Variants in LAMP1 observed in about 807,000 individuals in gnomAD.
The protein encoded by LAMP1 is lysosome associated membrane protein 1.
In LAMP1, 7 loss-of-function variants were observed where a neutral mutation model predicts 37.5. That is an observed-to-expected ratio of 0.19 (90% CI 0.11 to 0.35). LAMP1 has a LOEUF of 0.35. LAMP1 is among the 10% of genes least tolerant of loss of function. The pLI is 1.00. For missense variants in LAMP1, 537 were observed against 552.8 expected, an observed-to-expected ratio of 0.97 and a Z score of 0.29; for synonymous variants, 236 against 229.1, an observed-to-expected ratio of 1.03 and a Z score of -0.27.
rs2042696369 is a variant in LAMP1 at position 113,321,063 on chromosome 13, C to T, written c.877-341C>T. On this transcript the variant is annotated intron_variant, in intron 6 of 8. Coordinates refer to ENST00000332556, the MANE Select transcript of LAMP1 (RefSeq NM_005561.4). The surrounding 1 kb of genome is among the most constrained non-coding windows in gnomAD (Gnocchi z 5.6). ...GGGCGTAGTGGCGCACACCTGTGGT[C>T]CCAGCTACTTGGGAGGCTGAGGTGG... 1 of 336,902 alleles carries T rather than the reference C, an allele frequency of 3.0e-6. No homozygotes were observed. Among genetic ancestry groups the T allele is most frequent in the Non-Finnish European group, 5.7e-6 (1 of 176,128 alleles). The allele number at this position is 336,902 out of a possible 1,614,324, so 20.9% of individuals were successfully genotyped here.
Position 113,320,306 on chromosome 13 carries a change from C to G in LAMP1, c.751-39C>G. ...TTGTCTTTTCGAGAGTGTGGAGGACCTGAGCTAGGGTGGTGACTTGCTTGC... is the reference window on the plus strand; with the variant it reads ...TTGTCTTTTCGAGAGTGTGGAGGACGTGAGCTAGGGTGGTGACTTGCTTGC... On this transcript the variant is annotated intron_variant, in intron 5 of 8. Transcript: ENST00000332556. The surrounding 1 kb of genome is among the most constrained non-coding windows in gnomAD (Gnocchi z 4.4). The G allele has an allele frequency of 1.9e-6, 3 of 1,612,252 alleles. No individual in the cohort carries two copies. The highest frequency in any genetic ancestry group is 2.5e-6 in the Non-Finnish European group (3 of 1,178,764).
Position 113,313,370 on chromosome 13 carries a change from T to C in LAMP1, c.562+2503T>C, listed in dbSNP as rs1595461142. The stretch of plus-strand genomic sequence containing the variant: ...AGCAGTCTTAGGTTTCTGTGTATTC[T>C]CTGCCGCTGCGCATGTACAGCCTTC... On this transcript the variant is annotated intron_variant, in intron 4 of 8. Transcript: ENST00000332556. Among the ~76,000 whole-genome samples the C allele has an allele frequency of 2.0e-5, 3 of 152,374 alleles. No homozygotes were observed. The South Asian group carries it at 6.2e-4, about 32-fold the overall frequency.
At chr13:113,315,872 G>T (rs902332248) in intron 4 of LAMP1, among the ~76,000 whole-genome samples, 6 of 151,930 alleles carry the variant, frequency 3.9e-5, no homozygotes, top group African/African-American at 1.5e-4. Flanking sequence ...GGAACTCGAG[G>T]TGGGTGGATC....
Position 113,297,931 on chromosome 13 carries a change from C to T in LAMP1, c.61+436C>T, listed in dbSNP as rs1287091437. Among the ~76,000 whole-genome samples, 2 of 152,176 alleles carry T rather than the reference C, an allele frequency of 1.3e-5. No individual in the cohort carries two copies. The highest frequency in any genetic ancestry group is 2.9e-5 in the Non-Finnish European group (2 of 68,038). On this transcript the variant is annotated intron_variant, in intron 1 of 8. Transcript: ENST00000332556. This position sits in a 1 kb window ranked among gnomAD's most constrained non-coding sequence, Gnocchi z 4.4. ...CAGCTCCCGGGTGGGTGACCTAGAT[C>T]AAGCTCTTCCCAACATGGATTTCAC...
Position 113,297,628 on chromosome 13 carries a change from G to T in LAMP1, c.61+133G>T, listed in dbSNP as rs2042549864. On this transcript the variant is annotated intron_variant, in intron 1 of 8. Coordinates refer to ENST00000332556, the MANE Select transcript of LAMP1 (RefSeq NM_005561.4). This position sits in a 1 kb window ranked among gnomAD's most constrained non-coding sequence, Gnocchi z 4.4. ...CACCCACTGCTCCTGGTCCCGGCCG[G>T]CTCTGCCCGCGGGCGGGTGTTTCTC... 2 of 844,704 alleles carry T rather than the reference G, an allele frequency of 2.4e-6. No homozygotes were observed. Among genetic ancestry groups the T allele is most frequent in the Non-Finnish European group, 3.0e-6 (2 of 655,948 alleles). The allele number at this position is 844,704 out of a possible 1,614,324, so 52.3% of individuals were successfully genotyped here. A position where few individuals can be genotyped will look rare whatever the true frequency, so the allele number is the denominator to read the frequency against.
rs546558981 is a variant in LAMP1 at position 113,315,411 on chromosome 13, A to C, written c.563-4058A>C. 9.5e-5 allele frequency among the ~76,000 whole-genome samples: 8 copies of C among 84,356 alleles called. No homozygotes were observed. In the South Asian group the frequency reaches 1.2e-3, roughly 13 times the overall value. 55.3% of individuals were successfully genotyped at this position (84,356 alleles called of 152,430 possible). ...TTTTTTTTTTTTTTTTTTTTTTGAGAGGGAGTCTTGCTCTGTTGCCCAGGC... is the reference window on the plus strand; with the variant it reads ...TTTTTTTTTTTTTTTTTTTTTTGAGCGGGAGTCTTGCTCTGTTGCCCAGGC... On this transcript the variant is annotated intron_variant, in intron 4 of 8. Transcript: ENST00000332556.
At chr13:113,318,235 C>T (rs968933923) in intron 4 of LAMP1, among the ~76,000 whole-genome samples, 1 of 152,174 alleles carries the variant, frequency 6.6e-6, no homozygotes, top group African/African-American at 2.4e-5. Flanking sequence ...CAGTCATAGG[C>T]GACGTTGCCT....
At chr13:113,303,267 C>T (rs889897858) in intron 1 of LAMP1, among the ~76,000 whole-genome samples, 1 of 152,184 alleles carries the variant, frequency 6.6e-6, no homozygotes, top group Non-Finnish European at 1.5e-5. Flanking sequence ...CTCAGAAGCA[C>T]GCATGCTTCC....
In LAMP1 at chr13:113,321,755, G is replaced by A. The variant is rs375891768; in HGVS notation, c.1114+28G>A. The A allele has an allele frequency of 3.5e-5, 56 of 1,608,912 alleles. No homozygotes were observed. Among genetic ancestry groups the A allele is most frequent in the South Asian group, 1.2e-4 (11 of 90,916 alleles). ...GAGTGTCACCGAGGGCAGCTGTCGC[G>A]GGGTGTGGAGGACGTGCTTCAGACT... On this transcript the variant is annotated intron_variant, in intron 8 of 8. Coordinates refer to ENST00000332556, the MANE Select transcript of LAMP1 (RefSeq NM_005561.4). This position sits in a 1 kb window ranked among gnomAD's most constrained non-coding sequence, Gnocchi z 5.6.
chr13:113,308,396 G>T (rs141660022), intron 2 of LAMP1, among the ~76,000 whole-genome samples: 29 of 133,938 alleles, frequency 2.2e-4, no homozygotes, highest in Non-Finnish European at 4.0e-4. Context: ...ACAATGGCGC[G>T]TTCTTGGCTC....
At chr13:113,309,578 CTCTT>C (rs2042618069) in intron 2 of LAMP1, 61 bp from the exon 3 acceptor site, 1 of 1,239,268 alleles carries the variant, frequency 8.1e-7, no homozygotes, top group Non-Finnish European at 1.2e-6. Context: ...TACAGAAAAT[CTCTT>C]TCTTTGAACT....
intron 4 of LAMP1, 97 bp downstream of exon 4, chr13:113,310,964 C>A (rs1022296538): frequency 9.4e-7 from 1 of 1,058,632 alleles, no homozygotes; most frequent in Admixed American, 2.3e-5. Flanking sequence ...TGGTGCTGGG[C>A]TCTGCCTGGA....
At position 113,310,750 on chromosome 13, in the gene LAMP1, A is replaced by G. The variant is rs751491315; in HGVS notation, c.445A>G (p.Ile149Val). Reference sequence around the variant, plus strand: ...ATCTATAACTGACATCAGGGCAGATATAGATAAAAAATACAGATGTGTTAG... The same window carrying G: ...ATCTATAACTGACATCAGGGCAGATGTAGATAAAAAATACAGATGTGTTAG... ...VESITDIRAD[I>V]DKKYRCVSGT... is the part of the protein sequence containing the mutation. The change falls in exon 4 of 9, where the codon ATA becomes GTA. Residue 149 changes from isoleucine (I) to valine (V), a missense_variant. By Grantham distance (29) the Ile-to-Val change is conservative. Transcript: ENST00000332556. The G allele has an allele frequency of 1.2e-6, 2 of 1,613,368 alleles. No individual in the cohort carries two copies. The highest frequency in any genetic ancestry group is 1.7e-5 in the Admixed American group (1 of 59,964).
At chr13:113,311,400 T>C (rs1357926432) in intron 4 of LAMP1, among the ~76,000 whole-genome samples, 1 of 152,202 alleles carries the variant, frequency 6.6e-6, no homozygotes, top group African/African-American at 2.4e-5. Context: ...GGTAAACGTA[T>C]ACAATTATTA....
At chr13:113,313,160 A>G (rs150595108) in intron 4 of LAMP1, among the ~76,000 whole-genome samples, 6 of 151,756 alleles carry the variant, frequency 4.0e-5, no homozygotes, top group Admixed American at 6.6e-5. Context: ...CCGCTCACTC[A>G]CTCCTGCCTG....
chr13:113,317,041 A>G (rs914900807), intron 4 of LAMP1, among the ~76,000 whole-genome samples: 20 of 152,204 alleles, frequency 1.3e-4, no homozygotes, highest in South Asian at 4.1e-4. Flanking sequence ...GTGCAAACCA[A>G]TCTCATCCTC....
At position 113,320,553 on chromosome 13, in the gene LAMP1, G is replaced by T. The variant is rs2042692723; in HGVS notation, c.876+83G>T. ...TGTGCCCTGGGTCTGCTCATGGGAGGCAGCGTTAGGAAGGAGGCGGCCTCA... is the reference window on the plus strand; with the variant it reads ...TGTGCCCTGGGTCTGCTCATGGGAGTCAGCGTTAGGAAGGAGGCGGCCTCA... On this transcript the variant is annotated intron_variant, in intron 6 of 8. Coordinates refer to ENST00000332556, the MANE Select transcript of LAMP1 (RefSeq NM_005561.4). The surrounding 1 kb of genome is among the most constrained non-coding windows in gnomAD (Gnocchi z 4.4). 9.4e-6 allele frequency: 14 copies of T among 1,486,300 alleles called. No homozygotes were observed. Among genetic ancestry groups the T allele is most frequent in the African/African-American group, 1.4e-5 (1 of 71,744 alleles). 92.1% of individuals were successfully genotyped at this position (1,486,300 alleles called of 1,614,324 possible). A position where few individuals can be genotyped will look rare whatever the true frequency, so the allele number is the denominator to read the frequency against.
chr13:113,316,369 A>G (rs1343828567), intron 4 of LAMP1, among the ~76,000 whole-genome samples: 1 of 151,142 alleles, frequency 6.6e-6, no homozygotes, highest in East Asian at 1.9e-4. Flanking sequence ...GACTCCTGTT[A>G]GGAGTTGAAA....
rs765367131 is a variant in LAMP1, at chr13:113,322,307, C to G, written c.1140C>G (p.Asn380Lys). 1 of 1,613,510 alleles carries G rather than the reference C, an allele frequency of 6.2e-7. No individual in the cohort carries two copies. The highest frequency in any genetic ancestry group is 8.5e-7 in the Non-Finnish European group (1 of 1,179,846). ...TGGAGGAGTGTCTGCTGGACGAGAA[C>G]AGCATGCTGATCCCCATCGCTGTGG... ...GSVEECLLDE[N>K]SMLIPIAVGG... The change falls in exon 9 of 9, where the codon AAC (asparagine) becomes AAG (lysine). Residue 380 changes from asparagine to lysine, a missense_variant. By Grantham distance (94) the Asn-to-Lys change is moderately conservative. Coordinates refer to ENST00000332556, the MANE Select transcript of LAMP1 (RefSeq NM_005561.4).
Sources: allele counts gnomAD v4.1 joint callset (sites outside exome capture counted in the v4.1 genomes callset), GRCh38; gene constraint gnomAD v4.1.1; non-coding constraint Gnocchi (gnomAD v3.1); transcripts MANE v1.5; gene names NCBI Gene and HGNC (gene_info 2026-07-23, HGNC 2026-07-21).